Variants in TMEM175 observed in about 807,000 individuals in gnomAD.
TMEM175 encodes transmembrane protein 175, also known as endosomal/lysosomal proton channel TMEM175.
A neutral mutation model predicts 36.5 loss-of-function variants in TMEM175; 36 were observed. That is an observed-to-expected ratio of 0.99 (90% confidence interval 0.76 to 1.30). TMEM175 has a LOEUF of 1.30. Among genes scored for constraint, TMEM175 ranks in the 50% most tolerant of loss-of-function variants. The pLI is 0.00. For synonymous variants in TMEM175, 339 were observed against 313.4 expected (o/e 1.08, Z -0.86); for missense variants, 705 against 692.8 (o/e 1.02, Z -0.20).
Position 951,258 on chromosome 4 carries a change from G to A in TMEM175, c.342G>A (p.Leu114=). 6.2e-7 allele frequency: 1 copy of A among 1,614,074 alleles called. No individual in the cohort carries two copies. Among genetic ancestry groups the A allele is most frequent in the African/African-American group, 1.3e-5 (1 of 75,002 alleles). ...KTDDTLALLN[L]ACMMTITFLP... is the part of the protein sequence containing the mutation. The stretch of plus-strand genomic sequence containing the variant: ...ACGACACACTTGCCCTGCTCAACCT[G>A]GTGAGTATTTTCCGGTCCTTTTCTG... The change falls in exon 5 of 11, where the codon CTG becomes CTA. Residue 114 remains leucine (L), a splice_region_variant and synonymous_variant. Transcript: ENST00000264771.
At chr4:955,357 C>T in intron 8 of TMEM175, 48 bp from the exon 9 acceptor site, 1 of 1,484,542 alleles carries the variant, frequency 6.7e-7, no homozygotes, top group Non-Finnish European at 9.4e-7. Context: ...TAAGGCCTGG[C>T]CTCGGACCCC....
In TMEM175 at chr4:952,391, G is replaced by A. The variant is rs77579069; in HGVS notation, c.403G>A (p.Asp135Asn). The part of the protein sequence containing the change: ...YTFSLMVTFP[D>N]VPLGIFLFCV... ...GTTTTCGTTAATGGTGACCTTCCCT[G>A]ATGTGCCTCTGGGCATCTTCTTGTT... Residue 135 changes from aspartate to asparagine, a missense_variant, in exon 7 of 11, where the codon GAT (aspartate) becomes AAT (asparagine). Physicochemically the swap from Asp to Asn is conservative, Grantham distance 23. Coordinates refer to ENST00000264771, the MANE Select transcript of TMEM175 (RefSeq NM_032326.4). The A allele has an allele frequency of 6.2e-7, 1 of 1,612,146 alleles. No individual in the cohort carries two copies. The highest frequency in any genetic ancestry group is 1.3e-5 in the African/African-American group (1 of 74,994).
At chr4:946,985 C>T (rs1446971336) in intron 1 of TMEM175, among the ~76,000 whole-genome samples, 2 of 145,462 alleles carry the variant, frequency 1.4e-5, no homozygotes, top group Non-Finnish European at 3.0e-5. Flanking sequence ...CACGCGTGCA[C>T]AGGCGCCGAG....
At chr4:948,424 C>T in intron 3 of TMEM175, 1 of 1,514,858 alleles carries the variant, frequency 6.6e-7, no homozygotes, top group Admixed American at 2.0e-5. Flanking sequence ...ACAAAGGCAG[C>T]ACCCTGGAAG....
intron 2 of TMEM175, 99 bp from the exon 3 acceptor site, chr4:948,017 G>C: frequency 5.0e-6 from 8 of 1,610,684 alleles, no homozygotes; most frequent in South Asian, 4.4e-5. Flanking sequence ...AGGCAGCTTA[G>C]GGGGGCCCAG....
intron 10 of TMEM175, 70 bp from the exon 11 acceptor site, chr4:957,754 T>C (rs1406962025): frequency 1.3e-6 from 2 of 1,484,888 alleles, no homozygotes; most frequent in Middle Eastern, 1.8e-4. Flanking sequence ...TGACAGGCGC[T>C]CAGCCACCCT....
rs573432765 is a variant in TMEM175, at chr4:957,924, G to A, written c.943G>A (p.Gly315Ser). 3.0e-5 allele frequency: 49 copies of A among 1,612,892 alleles called. 1 individual carries two copies. In the Admixed American group the frequency reaches 3.7e-4, roughly 12 times the overall value. Residue 315 changes from glycine (G) to serine (S), a missense_variant, in exon 11 of 11, where the codon GGC becomes AGC. Coordinates refer to ENST00000264771, the MANE Select transcript of TMEM175 (RefSeq NM_032326.4). Reference sequence around the variant, plus strand: ...CGGGCCGCGCTTCCTGGCGTACTTCGGCTCCTTCGCCACAGTGGGACTGCT... The same window carrying A: ...CGGGCCGCGCTTCCTGGCGTACTTCAGCTCCTTCGCCACAGTGGGACTGCT... ...ATGPRFLAYF[G>S]SFATVGLLWF...
chr4:958,334 G>A lies in TMEM175; in HGVS notation c.1353G>A (p.Met451Ile), dbSNP rs1181178658. ...SRFSVGIFHL[M>I]QIAVPCAFLL... ...TCAGTGTGGGCATCTTCCACCTCAT[G>A]CAGATCGCCGTGCCCTGCGCCTTCC... is the stretch of plus-strand genomic sequence containing the variant. Residue 451 changes from methionine (M) to isoleucine (I), a missense_variant, in exon 11 of 11, where the codon ATG becomes ATA. Physicochemically the swap from Met to Ile is conservative, Grantham distance 10. Coordinates refer to ENST00000264771, the MANE Select transcript of TMEM175 (RefSeq NM_032326.4). The A allele has an allele frequency of 1.2e-6, 2 of 1,604,848 alleles. No individual in the cohort carries two copies. Among genetic ancestry groups the A allele is most frequent in the East Asian group, 4.5e-5 (2 of 44,868 alleles).
intron 4 of TMEM175, among the ~76,000 whole-genome samples, chr4:950,852 G>A (rs1350734642): frequency 6.6e-6 from 1 of 151,606 alleles, no homozygotes; most frequent in Admixed American, 6.6e-5. Flanking sequence ...TGCAGTAGGC[G>A]GAGGTGTGGA....
rs540341807 is a variant in TMEM175, at chr4:937,989, C to G, written c.-32+5449C>G. Among the ~76,000 whole-genome samples the G allele has an allele frequency of 1.0e-3, 152 of 149,328 alleles. 1 individual carries two copies. Among genetic ancestry groups the G allele is most frequent in the African/African-American group, 3.6e-3 (142 of 39,604 alleles). On this transcript the variant is annotated intron_variant, in intron 1 of 10. Transcript: ENST00000264771. ...ATTTGACAGAATCCAACATCCATTA[C>G]TGATTTAAAAAAAAAAAAACTCAGC...
intron 3 of TMEM175, chr4:948,419 G>A: frequency 1.3e-6 from 2 of 1,517,620 alleles, no homozygotes; most frequent in Non-Finnish European, 1.8e-6. Flanking sequence ...AGTGGACAAA[G>A]GCAGCACCCT....
chr4:948,847 C>T (rs1217627939), intron 3 of TMEM175, among the ~76,000 whole-genome samples: 1 of 152,240 alleles, frequency 6.6e-6, no homozygotes, highest in Non-Finnish European at 1.5e-5. Context: ...CCAGTCCTGA[C>T]TCGTGAGCTG....
At chr4:951,396 G>A in intron 5 of TMEM175, 138 bp downstream of exon 5, 1 of 1,031,806 alleles carries the variant, frequency 9.7e-7, no homozygotes. Flanking sequence ...ACAGCTGGGA[G>A]CTCCTTGAAT....
chr4:947,691 A>G lies in TMEM175; in HGVS notation c.-31-18A>G. The G allele has an allele frequency of 6.4e-7, 1 of 1,563,312 alleles. No homozygotes were observed. The highest frequency in any genetic ancestry group is 8.7e-7 in the Non-Finnish European group (1 of 1,154,270). ...AGGAGCGCCCCACAGGCACACTCAG[A>G]CCTGCCTTTCCTCCCAGGCTCCTGT... is the stretch of plus-strand genomic sequence containing the variant. On this transcript the variant is annotated intron_variant, in intron 1 of 10. Transcript: ENST00000264771.
At chr4:944,662 A>G (rs1274960784) in intron 1 of TMEM175, among the ~76,000 whole-genome samples, 1 of 152,244 alleles carries the variant, frequency 6.6e-6, no homozygotes, top group African/African-American at 2.4e-5. Flanking sequence ...ATGGTACAAT[A>G]GTATGGTTTT....
intron 4 of TMEM175, 130 bp downstream of exon 4, chr4:950,648 G>A (rs939844021): frequency 3.0e-6 from 2 of 671,804 alleles, no homozygotes; most frequent in Admixed American, 2.4e-5. Context: ...TCCGCGTGGG[G>A]ATGGCAGGAC....
chr4:942,579 G>A (rs914108854), intron 1 of TMEM175, among the ~76,000 whole-genome samples: 4 of 151,272 alleles, frequency 2.6e-5, no homozygotes, highest in African/African-American at 9.7e-5. Flanking sequence ...AAGTGGGAGT[G>A]CTCCCAATTT....
Position 957,969 on chromosome 4 carries a change from C to A in TMEM175, c.988C>A (p.Leu330Ile). The A allele has an allele frequency of 6.2e-7, 1 of 1,612,928 alleles. No homozygotes were observed. The highest frequency in any genetic ancestry group is 8.5e-7 in the Non-Finnish European group (1 of 1,179,954). Residue 330 changes from leucine (L) to isoleucine (I), a missense_variant, in exon 11 of 11, where the codon CTC (leucine) becomes ATC (isoleucine). Transcript: ENST00000264771. ...ACTGCTGTGGTTCGCCCACCACTCA[C>A]TCTTCCTGCATGTGCGCAAGGCCAC... ...VGLLWFAHHS[L>I]FLHVRKATRA...
intron 3 of TMEM175, among the ~76,000 whole-genome samples, chr4:949,746 C>A (rs10017289): frequency 6.2e-5 from 9 of 145,468 alleles, no homozygotes; most frequent in African/African-American, 2.0e-4. Flanking sequence ...CCTCCACGCC[C>A]ACCGCGGCCC....
Sources: gnomAD v4.1 joint callset for allele counts (sites outside exome capture counted in the v4.1 genomes callset) on GRCh38, gnomAD v4.1.1 for gene constraint, MANE v1.5 for transcripts, NCBI Gene and HGNC (gene_info 2026-07-23, HGNC 2026-07-21) for gene names.